Variants in ERC2 observed in about 807,000 individuals in gnomAD.
The protein encoded by ERC2 is ERC protein 2.
A neutral mutation model predicts 114.8 loss-of-function variants in ERC2; 42 were observed. The ratio of observed to expected loss-of-function variants is 0.37; its 90% CI spans 0.29 to 0.47. The LOEUF (loss-of-function observed/expected upper bound fraction) is 0.47, where lower values mean the gene tolerates loss of function less well. ERC2 is among the 20% of genes least tolerant of loss of function. The pLI is 0.99. For synonymous variants in ERC2, 454 were observed against 425.5 expected (o/e 1.07, Z -0.82); for missense variants, 939 against 1,150.7 (o/e 0.82, Z 2.66).
At chr3:55,847,056 C>A (rs1056687231) in intron 14 of ERC2, among the ~76,000 whole-genome samples, 1 of 152,162 alleles carries the variant, frequency 6.6e-6, no homozygotes, top group Admixed American at 6.5e-5. Context: ...ATGTACATAA[C>A]ACCCACAACA....
intron 3 of ERC2, among the ~76,000 whole-genome samples, chr3:56,246,987 C>T (rs968310246): frequency 7.2e-5 from 11 of 152,226 alleles, no homozygotes; most frequent in African/African-American, 2.2e-4. Context: ...TGGAACTCTG[C>T]ATTTTCCTCA....
intron 6 of ERC2, among the ~76,000 whole-genome samples, chr3:56,122,526 C>T (rs1189346832): frequency 6.6e-6 from 1 of 152,058 alleles, no homozygotes; most frequent in African/African-American, 2.4e-5. Flanking sequence ...TAAATCAAAG[C>T]CATCCGCAAT....
intron 6 of ERC2, among the ~76,000 whole-genome samples, chr3:56,105,423 C>T (rs1427948756): frequency 6.6e-6 from 1 of 152,092 alleles, no homozygotes; most frequent in Non-Finnish European, 1.5e-5. Context: ...AGCTATCCTC[C>T]CACCTTATCC....
intron 3 of ERC2, among the ~76,000 whole-genome samples, chr3:56,278,044 C>A (rs2054117364): frequency 6.6e-6 from 1 of 152,176 alleles, no homozygotes; most frequent in Non-Finnish European, 1.5e-5. Context: ...TTAATAGGCT[C>A]AGCTTTACCA....
chr3:55,750,968 A>G (rs2066664922), intron 14 of ERC2, among the ~76,000 whole-genome samples: 1 of 151,998 alleles, frequency 6.6e-6, no homozygotes, highest in African/African-American at 2.4e-5. Flanking sequence ...GATAATAGTT[A>G]ACACTTGAAT....
chr3:56,382,607 C>T (rs1283679467), intron 2 of ERC2, among the ~76,000 whole-genome samples: 1 of 152,124 alleles, frequency 6.6e-6, no homozygotes, highest in Non-Finnish European at 1.5e-5. Context: ...TGTTGAAACA[C>T]TTTTCTTCAT....
At chr3:55,816,568 G>GA (rs1260263622) in intron 14 of ERC2, among the ~76,000 whole-genome samples, 1 of 152,128 alleles carries the variant, frequency 6.6e-6, no homozygotes, top group Non-Finnish European at 1.5e-5. Flanking sequence ...CTCCTTGAAG[G>GA]AACTCATTTC....
At chr3:55,537,372 A>G (rs1003070072) in intron 17 of ERC2, among the ~76,000 whole-genome samples, 2 of 152,242 alleles carry the variant, frequency 1.3e-5, no homozygotes, top group Admixed American at 1.3e-4. Flanking sequence ...AGAATATCAA[A>G]GGGTGAGATA....
intron 1 of ERC2, among the ~76,000 whole-genome samples, chr3:56,442,751 A>G (rs2107459485): frequency 6.6e-6 from 1 of 152,374 alleles, no homozygotes; most frequent in South Asian, 2.1e-4. Flanking sequence ...TCTTCCCTTC[A>G]GAATACCTGA....
chr3:55,512,916 C>T (rs187361606), intron 17 of ERC2, among the ~76,000 whole-genome samples: 5 of 152,256 alleles, frequency 3.3e-5, no homozygotes, highest in Admixed American at 6.5e-5. Flanking sequence ...CAAGTGACAC[C>T]GCCAGCATTT....
intron 3 of ERC2, among the ~76,000 whole-genome samples, chr3:56,295,679 T>C (rs2055382568): frequency 6.6e-6 from 1 of 152,214 alleles, no homozygotes; most frequent in South Asian, 2.1e-4. Flanking sequence ...AGAGATGATA[T>C]TTGATAAACA....
intron 12 of ERC2, among the ~76,000 whole-genome samples, chr3:55,953,409 C>T (rs1375612409): frequency 6.6e-6 from 1 of 152,158 alleles, no homozygotes; most frequent in African/African-American, 2.4e-5. Flanking sequence ...TGAGAATGAT[C>T]ATCTTGTCTT....
intron 2 of ERC2, among the ~76,000 whole-genome samples, chr3:56,348,899 GGAAGGAAA>G (rs1172894868): frequency 0.18 from 6,182 of 34,628 alleles, 165 homozygotes; most frequent in Admixed American, 0.28. Context: ...AAGGAAGGAA[GGAAGGAAA>G]GAAGGAAGGA....
chr3:55,676,280 T>C (rs1311719768), intron 17 of ERC2, among the ~76,000 whole-genome samples: 1 of 151,900 alleles, frequency 6.6e-6, no homozygotes, highest in Non-Finnish European at 1.5e-5. Context: ...ATGTATAATA[T>C]TGTGATGTCC....
intron 2 of ERC2, among the ~76,000 whole-genome samples, chr3:56,361,056 C>T (rs913352704): frequency 6.6e-6 from 1 of 152,094 alleles, no homozygotes; most frequent in Non-Finnish European, 1.5e-5. Flanking sequence ...GTGGGAGATA[C>T]GTAACTGAAC....
At chr3:56,067,968 C>T (rs889615383) in intron 7 of ERC2, among the ~76,000 whole-genome samples, 6 of 152,096 alleles carry the variant, frequency 3.9e-5, no homozygotes, top group Admixed American at 1.3e-4. Context: ...ATTTTCGCAT[C>T]GATTTTCATC....
intron 7 of ERC2, among the ~76,000 whole-genome samples, chr3:56,070,467 TTA>T (rs148638133): frequency 0.36 from 53,545 of 147,190 alleles, 9,962 homozygotes; most frequent in East Asian, 0.45. Flanking sequence ...CAAACCTTTT[TTA>T]AAAAAAAAAA....
intron 6 of ERC2, among the ~76,000 whole-genome samples, chr3:56,136,595 C>T (rs2080522380): frequency 6.6e-6 from 1 of 151,970 alleles, no homozygotes; most frequent in African/African-American, 2.4e-5. Context: ...GAATACTCAC[C>T]CACTAACACA....
At chr3:55,873,964 T>C (rs180703127) in intron 14 of ERC2, among the ~76,000 whole-genome samples, 2 of 152,340 alleles carry the variant, frequency 1.3e-5, no homozygotes, top group African/African-American at 2.4e-5. Context: ...TTGTTTATTC[T>C]CTCAAGAAAT....
Sources: allele counts gnomAD v4.1 joint callset (sites outside exome capture counted in the v4.1 genomes callset), GRCh38; gene constraint gnomAD v4.1.1; transcripts MANE v1.5; gene names NCBI Gene and HGNC (gene_info 2026-07-23, HGNC 2026-07-21).